ARHGEF26: variants seen among roughly 807,000 people sequenced by gnomAD.
The protein encoded by ARHGEF26 is Rho guanine nucleotide exchange factor 26, also known as Rho guanine nucleotide exchange factor (GEF) 26.
ARHGEF26 carries 59 observed loss-of-function variants against 89.4 expected under a neutral mutation model. The ratio of observed to expected loss-of-function variants is 0.66; its 90% confidence interval spans 0.54 to 0.82. The LOEUF is 0.82. ARHGEF26 is among the 40% of genes least tolerant of loss of function. The pLI is 0.00. For missense variants in ARHGEF26, 1,234 were observed against 1,085.6 expected, an observed-to-expected ratio of 1.14 and a Z score of -1.92; for synonymous variants, 500 against 428.4, an observed-to-expected ratio of 1.17 and a Z score of -2.06.
At chr3:154,128,148 T>G (rs950688318) in intron 3 of ARHGEF26, among the ~76,000 whole-genome samples, 1 of 152,230 alleles carries the variant, frequency 6.6e-6, no homozygotes, top group Non-Finnish European at 1.5e-5. Context: ...CTCAAACTTA[T>G]AGTGACTTGC....
At chr3:154,121,351 G>A (rs1323439878), upstream of ARHGEF26, 1 of 152,170 alleles carries the variant, frequency 6.6e-6, no homozygotes, top group East Asian at 1.9e-4. Context: ...CCGAAACGGG[G>A]GCGGGGCCAA....
At chr3:154,226,544 C>G (rs769877797) in intron 11 of ARHGEF26, among the ~76,000 whole-genome samples, 4 of 152,168 alleles carry the variant, frequency 2.6e-5, no homozygotes, top group Non-Finnish European at 4.4e-5. Flanking sequence ...AGTGTTTGTT[C>G]TTCTTACTCC....
chr3:154,251,213 G>C lies in ARHGEF26; in HGVS notation c.2301-1903G>C, dbSNP rs74979093. Reference sequence around the variant, plus strand: ...CCTGGGTTAGGTGCTTAACATACCAGACTTGCTTTGTCCTCTGAAAAAAAT... The same window carrying C: ...CCTGGGTTAGGTGCTTAACATACCACACTTGCTTTGTCCTCTGAAAAAAAT... On this transcript the variant is annotated intron_variant, in intron 12 of 14. Transcript: ENST00000465093. 2.4e-3 allele frequency among the ~76,000 whole-genome samples: 368 copies of C among 152,224 alleles called. 4 individuals carry two copies. In the East Asian group the frequency reaches 0.037, roughly 15 times the overall value.
intron 11 of ARHGEF26, among the ~76,000 whole-genome samples, chr3:154,238,179 G>A (rs1344071081): frequency 5.3e-5 from 8 of 152,240 alleles, no homozygotes; most frequent in African/African-American, 1.7e-4. Flanking sequence ...TTTGTAAAGC[G>A]TATTATTCAC....
At chr3:154,154,341 C>A (rs563765488) in intron 6 of ARHGEF26, among the ~76,000 whole-genome samples, 17 of 151,930 alleles carry the variant, frequency 1.1e-4, no homozygotes. Context: ...TGAGTACCAG[C>A]GTGCTCATTG....
At chr3:154,170,428 A>AACCT (rs1712354178) in intron 6 of ARHGEF26, among the ~76,000 whole-genome samples, 1 of 152,212 alleles carries the variant, frequency 6.6e-6, no homozygotes, top group African/African-American at 2.4e-5. Context: ...ACTCAGGACT[A>AACCT]TGAAATACAA....
At chr3:154,121,746 G>C (rs1315848416) in intron 1 of ARHGEF26, among the ~76,000 whole-genome samples, 196 bp from the exon 2 acceptor site, 1 of 152,194 alleles carries the variant, frequency 6.6e-6, no homozygotes, top group Non-Finnish European at 1.5e-5. Context: ...GGATTAATCC[G>C]CCTGGGCGGC....
intron 8 of ARHGEF26, among the ~76,000 whole-genome samples, chr3:154,192,743 T>G (rs1270070712): frequency 6.6e-6 from 1 of 152,218 alleles, no homozygotes; most frequent in Non-Finnish European, 1.5e-5. Context: ...AAGCAAGAAG[T>G]GAATGCCTTG....
intron 9 of ARHGEF26, among the ~76,000 whole-genome samples, chr3:154,208,305 C>T (rs1715155917): frequency 1.3e-5 from 2 of 152,130 alleles, no homozygotes; most frequent in African/African-American, 4.8e-5. Context: ...TGCCTTGGTC[C>T]CTCAAAGTAC....
At chr3:154,237,246 T>C (rs566754463) in intron 11 of ARHGEF26, among the ~76,000 whole-genome samples, 1 of 152,240 alleles carries the variant, frequency 6.6e-6, no homozygotes, top group Non-Finnish European at 1.5e-5. Context: ...AAAGCATTTA[T>C]GACTGAAAAT....
intron 9 of ARHGEF26, among the ~76,000 whole-genome samples, chr3:154,204,352 G>A (rs1278550679): frequency 3.8e-3 from 80 of 21,160 alleles, no homozygotes; most frequent in Middle Eastern, 0.056. Flanking sequence ...TTTTTTTTTT[G>A]AGACAAGAGT....
At position 154,167,201 on chromosome 3, in the gene ARHGEF26, G is replaced by A. The variant is rs896427339; in HGVS notation, c.1487+14269G>A. On this transcript the variant is annotated intron_variant, in intron 6 of 14. Transcript: ENST00000465093. ...TATTGAGCATTACATCTGATTCCTT[G>A]ATAAAATATTTTAGGATGAGAGCAC... Among the ~76,000 whole-genome samples the A allele has an allele frequency of 3.9e-5, 6 of 152,226 alleles. No individual in the cohort carries two copies. The East Asian group carries it at 5.8e-4, about 15-fold the overall frequency.
intron 4 of ARHGEF26, among the ~76,000 whole-genome samples, chr3:154,136,111 C>A (rs1201627561): frequency 6.6e-6 from 1 of 152,136 alleles, no homozygotes; most frequent in African/African-American, 2.4e-5. Flanking sequence ...TTCTTTTGTA[C>A]TTGCTGACAT....
At chr3:154,225,369 C>T (rs896338932) in intron 10 of ARHGEF26, among the ~76,000 whole-genome samples, 2 of 152,010 alleles carry the variant, frequency 1.3e-5, no homozygotes, top group Admixed American at 1.3e-4. Flanking sequence ...AGGTTTTTTT[C>T]TCTTGAAAGA....
chr3:154,141,505 T>C (rs1055898438), intron 4 of ARHGEF26, among the ~76,000 whole-genome samples: 6 of 152,232 alleles, frequency 3.9e-5, no homozygotes, highest in African/African-American at 1.4e-4. Context: ...CTGCTGCTTT[T>C]GCAGAGGCTG....
chr3:154,207,706 C>T (rs1227229636), intron 9 of ARHGEF26, among the ~76,000 whole-genome samples: 1 of 152,086 alleles, frequency 6.6e-6, no homozygotes, highest in Non-Finnish European at 1.5e-5. Flanking sequence ...TAAAGACCTA[C>T]AAACAGAAAT....
intron 8 of ARHGEF26, among the ~76,000 whole-genome samples, chr3:154,191,639 G>T (rs964058095): frequency 1.3e-5 from 2 of 152,114 alleles, no homozygotes; most frequent in African/African-American, 4.8e-5. Flanking sequence ...GAAGAAATTG[G>T]ATCTCATCAC....
chr3:154,141,846 G>T (rs148491249), intron 4 of ARHGEF26, among the ~76,000 whole-genome samples: 1 of 152,232 alleles, frequency 6.6e-6, no homozygotes, highest in East Asian at 1.9e-4. Flanking sequence ...TTCATGATAA[G>T]ACTTTATTTT....
At chr3:154,128,534 C>T (rs995293352) in intron 3 of ARHGEF26, among the ~76,000 whole-genome samples, 9 of 152,110 alleles carry the variant, frequency 5.9e-5, no homozygotes, top group African/African-American at 1.4e-4. Context: ...CCACCATGCC[C>T]GCCGGCCTCA....
Sources: allele counts gnomAD v4.1 joint callset (sites outside exome capture counted in the v4.1 genomes callset), GRCh38; gene constraint gnomAD v4.1.1; transcripts MANE v1.5; gene names NCBI Gene and HGNC (gene_info 2026-07-23, HGNC 2026-07-21).